Variants in HDAC1 observed in about 807,000 individuals in gnomAD.
HDAC1 encodes protein deacetylase HDAC1.
Under a neutral mutation model 65.5 loss-of-function variants are expected in HDAC1, and 18 were observed. That is an observed-to-expected ratio of 0.27 (90% CI 0.19 to 0.41). The LOEUF (loss-of-function observed/expected upper bound fraction) is 0.41, where lower values mean the gene tolerates loss of function less well. Among genes scored for constraint, HDAC1 ranks in the 10% least tolerant of loss-of-function variants. The pLI is 1.00. For synonymous variants in HDAC1, 211 were observed against 227.9 expected (o/e 0.93, Z 0.67); for missense variants, 373 against 625.2 (o/e 0.60, Z 4.30).
At chr1:32,307,827 C>T (rs1640932065) in intron 2 of HDAC1, among the ~76,000 whole-genome samples, 1 of 152,122 alleles carries the variant, frequency 6.6e-6, no homozygotes, top group Admixed American at 6.6e-5. Flanking sequence ...TGAGCCCTTT[C>T]CTTCAGAGAT....
intron 12 of HDAC1, 112 bp downstream of exon 12, chr1:32,332,354 C>G: frequency 9.8e-7 from 1 of 1,018,228 alleles, no homozygotes; most frequent in Non-Finnish European, 1.5e-6. Flanking sequence ...GGGGCTCTTC[C>G]TCAGTTCCTT....
intron 2 of HDAC1, among the ~76,000 whole-genome samples, chr1:32,314,554 A>G (rs554258121): frequency 6.6e-6 from 1 of 152,074 alleles, no homozygotes; most frequent in Admixed American, 6.6e-5. Context: ...TCGCCGGGCA[A>G]GGTGGCTCAT....
intron 3 of HDAC1, 87 bp downstream of exon 3, chr1:32,316,869 C>A: frequency 1.2e-6 from 1 of 830,438 alleles, no homozygotes; most frequent in Non-Finnish European, 2.1e-6. Context: ...GTCCTCGCAC[C>A]TCCCATTCAG....
At chr1:32,312,771 G>A (rs1388827788) in intron 2 of HDAC1, among the ~76,000 whole-genome samples, 1 of 152,094 alleles carries the variant, frequency 6.6e-6, no homozygotes, top group Non-Finnish European at 1.5e-5. Flanking sequence ...TGCCTCCTAA[G>A]TTCAAGTGAT....
intron 3 of HDAC1, among the ~76,000 whole-genome samples, chr1:32,323,855 G>A (rs147942932): frequency 1.3e-5 from 2 of 152,200 alleles, no homozygotes; most frequent in Admixed American, 1.3e-4. Context: ...CCCCTTGTTT[G>A]TCAGCTGGCG....
At chr1:32,318,762 T>C (rs959268305) in intron 3 of HDAC1, among the ~76,000 whole-genome samples, 3 of 152,104 alleles carry the variant, frequency 2.0e-5, no homozygotes, top group African/African-American at 7.2e-5. Context: ...CCCTGAGGAG[T>C]GTGCAGGTTC....
At chr1:32,292,525 G>A (rs1478951619) in intron 1 of HDAC1, 3 of 762,720 alleles carry the variant, frequency 3.9e-6, no homozygotes, top group Middle Eastern at 6.5e-4. Flanking sequence ...GAGCGGGGAG[G>A]CTGAATCTGA....
chr1:32,295,375 T>A, intron 1 of HDAC1, among the ~76,000 whole-genome samples: 2 of 151,630 alleles, frequency 1.3e-5, no homozygotes, highest in Admixed American at 1.3e-4. Flanking sequence ...CACTCCAGCC[T>A]GGGGGACAGA....
intron 3 of HDAC1, among the ~76,000 whole-genome samples, chr1:32,318,063 G>C (rs889125719): frequency 1.3e-5 from 2 of 152,114 alleles, no homozygotes; most frequent in Non-Finnish European, 2.9e-5. Flanking sequence ...GGCTTCAAGC[G>C]ATTATCCTGC....
In HDAC1 at chr1:32,327,455, C is replaced by T. The variant is rs979363245; in HGVS notation, c.495-81C>T. 3.7e-6 allele frequency: 4 copies of T among 1,071,122 alleles called. No individual in the cohort carries two copies. Among genetic ancestry groups the T allele is most frequent in the South Asian group, 1.4e-5 (1 of 73,788 alleles). 66.4% of individuals were successfully genotyped at this position (1,071,122 alleles called of 1,614,324 possible). A position where few individuals can be genotyped will look rare whatever the true frequency, so the allele number is the denominator to read the frequency against. On this transcript the variant is annotated intron_variant, in intron 5 of 13. Coordinates refer to ENST00000373548, the MANE Select transcript of HDAC1 (RefSeq NM_004964.3). This position sits in a 1 kb window ranked among gnomAD's most constrained non-coding sequence, Gnocchi z 6.0. ...AGAGATACCTGAGGGAGGCAGCCAG[C>T]CCGGTAAGCTGGGAGCTAGCGCCCT...
At position 32,293,901 on chromosome 1, in the gene HDAC1, C is replaced by CAA. The variant is rs566733201; in HGVS notation, c.49+1699_49+1700dup. ...TGGGCAACAGGGTGAGACTCCATCTCAAAAAAAAAAAAAAAAATTAGCGAG... is the reference window on the plus strand; with the variant it reads ...TGGGCAACAGGGTGAGACTCCATCTCAAAAAAAAAAAAAAAAAAATTAGCGAG... On this transcript the variant is annotated intron_variant, in intron 1 of 13. Coordinates refer to ENST00000373548, the MANE Select transcript of HDAC1 (RefSeq NM_004964.3). 1.4e-3 allele frequency among the ~76,000 whole-genome samples: 159 copies of CAA among 116,842 alleles called. 2 individuals carry two copies. The highest frequency in any genetic ancestry group is 4.5e-3 in the African/African-American group (144 of 31,680). The allele number at this position is 116,842 out of a possible 152,430, so 76.7% of individuals were successfully genotyped here. A position where few individuals can be genotyped will look rare whatever the true frequency, so the allele number is the denominator to read the frequency against.
At chr1:32,324,208 G>A (rs1301459264) in intron 3 of HDAC1, among the ~76,000 whole-genome samples, 10 of 152,070 alleles carry the variant, frequency 6.6e-5, no homozygotes, top group Admixed American at 6.5e-4. Flanking sequence ...CAGGAGGTGA[G>A]GGTCAAAGCT....
At position 32,330,858 on chromosome 1, in the gene HDAC1, G is replaced by A. The variant is rs781657568; in HGVS notation, c.929G>A (p.Arg310Gln). The A allele has an allele frequency of 3.7e-6, 6 of 1,613,984 alleles. No individual in the cohort carries two copies. The highest frequency in any genetic ancestry group is 3.4e-6 in the Non-Finnish European group (4 of 1,179,992). Residue 310 changes from arginine to glutamine, a missense_variant, in exon 9 of 14, where the codon CGG (arginine) becomes CAG (glutamine). Physicochemically the swap from Arg to Gln is conservative, Grantham distance 43. This residue lies in a region of HDAC1 where 105 missense variants were observed against 192.6 expected (regional missense o/e 0.55). Transcript: ENST00000373548. This position sits in a 1 kb window ranked among gnomAD's most constrained non-coding sequence, Gnocchi z 4.2. ...GGGYTIRNVA[R>Q]CWTYETAVAL... ...GGTTACACCATTCGTAACGTTGCCC[G>A]GTGCTGGACATATGAGACAGCTGTG...
chr1:32,317,342 C>T (rs1449476651), intron 3 of HDAC1, among the ~76,000 whole-genome samples: 2 of 152,018 alleles, frequency 1.3e-5, no homozygotes, highest in Non-Finnish European at 2.9e-5. Flanking sequence ...TTGTAGGAAT[C>T]GTGGGAATTA....
chr1:32,320,054 T>G (rs775747971), intron 3 of HDAC1, among the ~76,000 whole-genome samples: 55 of 151,860 alleles, frequency 3.6e-4, no homozygotes, highest in Admixed American at 9.2e-4. Context: ...CCGTCTCCAC[T>G]AAAAATTTAC....
chr1:32,332,650 G>A, intron 12 of HDAC1, 51 bp from the exon 13 acceptor site: 4 of 1,391,936 alleles, frequency 2.9e-6, no homozygotes, highest in South Asian at 1.2e-5. Context: ...AGACCTCATG[G>A]GTCTTCCCAG....
intron 3 of HDAC1, among the ~76,000 whole-genome samples, chr1:32,320,029 T>C (rs1182837643): frequency 6.6e-6 from 1 of 151,844 alleles, no homozygotes; most frequent in Admixed American, 6.6e-5. Flanking sequence ...CCATCCTGGC[T>C]AACACGGTGA....
At chr1:32,311,386 G>A (rs573142443) in intron 2 of HDAC1, among the ~76,000 whole-genome samples, 30 of 151,966 alleles carry the variant, frequency 2.0e-4, no homozygotes, top group Admixed American at 5.3e-4. Flanking sequence ...GAGAATCGCT[G>A]AACTTGGGCA....
chr1:32,319,458 A>G (rs1025888025), intron 3 of HDAC1, among the ~76,000 whole-genome samples: 2 of 152,178 alleles, frequency 1.3e-5, no homozygotes, highest in African/African-American at 4.8e-5. Context: ...CCTTTTTAAA[A>G]AAAGAATTAT....
Sources: allele counts gnomAD v4.1 joint callset (sites outside exome capture counted in the v4.1 genomes callset), GRCh38; gene constraint gnomAD v4.1.1; regional missense constraint gnomAD v4.1.1; non-coding constraint Gnocchi (gnomAD v3.1); transcripts MANE v1.5; gene names NCBI Gene and HGNC (gene_info 2026-07-23, HGNC 2026-07-21).